The following ZNF606 variants were observed in gnomAD, a reference collection of about 807,000 sequenced individuals.
ZNF606 encodes zinc finger protein 328.
A neutral mutation model predicts 74.9 loss-of-function variants in ZNF606; 37 were observed. That is an observed-to-expected ratio of 0.49 (90% confidence interval 0.38 to 0.65). The LOEUF (loss-of-function observed/expected upper bound fraction) is 0.65. Ranked by LOEUF, ZNF606 falls within the 30% of genes least tolerant of loss-of-function variation. The probability of loss-of-function intolerance (pLI) is 0.00; values close to 1 mark genes in which losing one functional copy is unlikely to be tolerated. For synonymous variants in ZNF606, 328 were observed against 312.4 expected (o/e 1.05, Z -0.53); for missense variants, 852 against 952.9 (o/e 0.89, Z 1.39).
chr19:57,991,953 C>A (rs1459797515), intron 4 of ZNF606, among the ~76,000 whole-genome samples: 2 of 152,070 alleles, frequency 1.3e-5, no homozygotes, highest in Non-Finnish European at 2.9e-5. Flanking sequence ...TCCTAACCTC[C>A]CTGGGGTGGC....
chr19:57,990,842 T>C (rs1168948795), intron 4 of ZNF606, among the ~76,000 whole-genome samples: 1 of 152,096 alleles, frequency 6.6e-6, no homozygotes, highest in Non-Finnish European at 1.5e-5. Flanking sequence ...AAGAACTGCT[T>C]CTGCTCCAAT....
chr19:57,983,650 G>C (rs1281642616), intron 6 of ZNF606, among the ~76,000 whole-genome samples: 1 of 152,092 alleles, frequency 6.6e-6, no homozygotes, highest in Admixed American at 6.6e-5. Context: ...TGCTAAGTGG[G>C]TGGGAGATCA....
upstream of ZNF606, chr19:58,002,960 C>T (rs1167342054): frequency 1.1e-5 from 5 of 455,874 alleles, no homozygotes; most frequent in African/African-American, 2.0e-5. Context: ...CTGGCACCTG[C>T]GTCGAAGCCG....
Position 57,978,981 on chromosome 19 carries a change from G to A in ZNF606, c.1699C>T (p.Pro567Ser). Reference protein sequence around the residue: ...KHERTHSGAKPYKCTECGKSF... With the variant: ...KHERTHSGAKSYKCTECGKSF... Reference sequence around the variant, plus strand: ...TTTCCACATTCAGTACATTTATATGGTTTTGCTCCAGAATGAGTTCTTTCA... The same window carrying A: ...TTTCCACATTCAGTACATTTATATGATTTTGCTCCAGAATGAGTTCTTTCA... The change falls in exon 7 of 7, where the codon CCA (proline) becomes TCA (serine). Residue 567 changes from proline (P) to serine (S), a missense_variant. Pro to Ser is a moderately conservative substitution (Grantham distance 74). Coordinates refer to ENST00000551380, the MANE Select transcript of ZNF606 (RefSeq NM_001348022.3). This position sits in a 1 kb window ranked among gnomAD's most constrained non-coding sequence, Gnocchi z 4.4. The A allele has an allele frequency of 6.2e-7, 1 of 1,614,114 alleles. No individual in the cohort carries two copies. The highest frequency in any genetic ancestry group is 2.2e-5 in the East Asian group (1 of 44,878).
At chr19:57,989,004 T>C (rs2073209951) in intron 4 of ZNF606, among the ~76,000 whole-genome samples, 1 of 152,196 alleles carries the variant, frequency 6.6e-6, no homozygotes, top group South Asian at 2.1e-4. Flanking sequence ...ACACTGGCTA[T>C]GTCCCCCACC....
At chr19:57,989,075 C>T (rs2073211202) in intron 4 of ZNF606, among the ~76,000 whole-genome samples, 1 of 152,186 alleles carries the variant, frequency 6.6e-6, no homozygotes, top group Non-Finnish European at 1.5e-5. Context: ...AGTGCAGCAA[C>T]AGGCTATGAG....
intron 4 of ZNF606, among the ~76,000 whole-genome samples, chr19:57,996,743 A>T (rs2073347129): frequency 6.6e-6 from 1 of 152,112 alleles, no homozygotes; most frequent in African/African-American, 2.4e-5. Context: ...TACAGGGAGG[A>T]GCAAACCCTT....
At position 57,978,648 on chromosome 19, in the gene ZNF606, T is replaced by C; in HGVS notation, c.2032A>G (p.Lys678Glu). The C allele has an allele frequency of 6.2e-7, 1 of 1,614,078 alleles. No homozygotes were observed. The highest frequency in any genetic ancestry group is 8.5e-7 in the Non-Finnish European group (1 of 1,180,044). The change falls in exon 7 of 7, where the codon AAA (lysine) becomes GAA (glutamate). Residue 678 changes from lysine to glutamate, a missense_variant. By Grantham distance (56) the Lys-to-Glu change is moderately conservative (BLOSUM62 1). This residue lies in a region of ZNF606 where 243 missense variants were observed against 359.2 expected (regional missense o/e 0.68). Coordinates refer to ENST00000551380, the MANE Select transcript of ZNF606 (RefSeq NM_001348022.3). This position sits in a 1 kb window ranked among gnomAD's most constrained non-coding sequence, Gnocchi z 4.4. ...TCACACTGATTACATTTATAGGGTT[T>C]CTCACCAGTGTGAATTCTCCGATGA... is the stretch of plus-strand genomic sequence containing the variant. The part of the protein sequence containing the change: ...VAHRRIHTGE[K>E]PYKCNQCERS...
intron 4 of ZNF606, among the ~76,000 whole-genome samples, chr19:57,994,907 G>A (rs1428972159): frequency 1.3e-5 from 2 of 152,074 alleles, no homozygotes; most frequent in Non-Finnish European, 2.9e-5. Flanking sequence ...TACCTAGCCG[G>A]GCATGGTGGC....
chr19:57,991,577 C>T (rs530666258), intron 4 of ZNF606, among the ~76,000 whole-genome samples: 1 of 152,070 alleles, frequency 6.6e-6, no homozygotes, highest in South Asian at 2.1e-4. Context: ...GTCAGGAGTT[C>T]GATACCAGCC....
intron 4 of ZNF606, 105 bp from the exon 5 acceptor site, chr19:57,988,826 G>A: frequency 6.4e-7 from 1 of 1,550,642 alleles, no homozygotes; most frequent in Non-Finnish European, 8.8e-7. Flanking sequence ...AGGATGTAGA[G>A]AAACTCTCCT....
In ZNF606 at chr19:57,979,989, C is replaced by A. The variant is rs759281994; in HGVS notation, c.691G>T (p.Val231Phe). The A allele has an allele frequency of 6.2e-7, 1 of 1,613,784 alleles. No individual in the cohort carries two copies. The highest frequency in any genetic ancestry group is 8.5e-7 in the Non-Finnish European group (1 of 1,180,038). The change falls in exon 7 of 7, where the codon GTT becomes TTT. Residue 231 changes from valine (V) to phenylalanine (F), a missense_variant. By Grantham distance (50) the Val-to-Phe change is conservative. Around this residue, in one of 3 missense-constraint regions of ZNF606, gnomAD observed 545 missense variants for 542.5 expected, o/e 1.00. Coordinates refer to ENST00000551380, the MANE Select transcript of ZNF606 (RefSeq NM_001348022.3). Reference sequence around the variant, plus strand: ...TTATAGAAATGTTCTATCTGAGAAACTCTCTGAGATGGAACAAAGTTTAAG... The same window carrying A: ...TTATAGAAATGTTCTATCTGAGAAAATCTCTGAGATGGAACAAAGTTTAAG... ...QNLNFVPSQR[V>F]SQIEHFYKPD...
Position 57,988,678 on chromosome 19 carries a change from T to G in ZNF606, c.221A>C (p.Glu74Ala). 1 of 1,614,060 alleles carries G rather than the reference T, an allele frequency of 6.2e-7. No homozygotes were observed. Among genetic ancestry groups the G allele is most frequent in the Admixed American group, 1.7e-5 (1 of 60,000 alleles). The change falls in exon 5 of 7, where the codon GAA becomes GCA. Residue 74 changes from glutamate to alanine, a missense_variant. By Grantham distance (107) the Glu-to-Ala change is moderately radical. Transcript: ENST00000551380. ...AACAAGGTCCAGCTGCCCCCACTCT[T>G]CTTGGGTGAAGTCCACGGCCACGTC... Reference protein sequence around the residue: ...FKDVAVDFTQEEWGQLDLVQR... With the variant: ...FKDVAVDFTQAEWGQLDLVQR...
At position 57,980,085 on chromosome 19, in the gene ZNF606, A is replaced by G. The variant is rs748158774; in HGVS notation, c.595T>C (p.Phe199Leu). The change falls in exon 7 of 7, where the codon TTC (phenylalanine) becomes CTC (leucine). Residue 199 changes from phenylalanine (F) to leucine (L), a missense_variant. This residue lies in a region of ZNF606 where 545 missense variants were observed against 542.5 expected (regional missense o/e 1.00). Transcript: ENST00000551380. The stretch of plus-strand genomic sequence containing the variant: ...TGGGATAGTACTTGCTTTTGCATGA[A>G]GACCATCTGCCTCATAGCTGTACTC... Reference protein sequence around the residue: ...NQSTAMRQMVFMQKQVLSQRS... With the variant: ...NQSTAMRQMVLMQKQVLSQRS... 7 of 1,613,922 alleles carry G rather than the reference A, an allele frequency of 4.3e-6. No individual in the cohort carries two copies. Among genetic ancestry groups the G allele is most frequent in the Middle Eastern group, 1.6e-4 (1 of 6,062 alleles).
Position 58,002,514 on chromosome 19 carries a change from C to A in ZNF606, c.-170G>T, listed in dbSNP as rs1213606068. The A allele has an allele frequency of 4.6e-6, 2 of 437,380 alleles. No homozygotes were observed. Among genetic ancestry groups the A allele is most frequent in the South Asian group, 3.2e-5 (2 of 62,028 alleles). The allele number at this position is 437,380 out of a possible 1,614,324, so 27.1% of individuals were successfully genotyped here. On this transcript the variant is annotated 5_prime_UTR_variant, in exon 1 of 7. Transcript: ENST00000551380. ...CGGCCCAGGAGTGCGCTTGGGAGCT[C>A]CCGGCGCGGCCTCGGGGACAAAGGC...
chr19:57,990,591 A>G (rs1013293754), intron 4 of ZNF606, among the ~76,000 whole-genome samples: 1 of 149,822 alleles, frequency 6.7e-6, no homozygotes, highest in Non-Finnish European at 1.5e-5. Flanking sequence ...CTCAACAGAC[A>G]CGTGTGCAGT....
chr19:57,983,592 G>A (rs1396572073), intron 6 of ZNF606, among the ~76,000 whole-genome samples: 1 of 149,278 alleles, frequency 6.7e-6, no homozygotes. Context: ...AAAAAAAAAA[G>A]AAAAGAAAAA....
rs373176619 is a variant in ZNF606, at chr19:58,002,709, T to G, written c.-365A>C. 129 of 451,972 alleles carry G rather than the reference T, an allele frequency of 2.9e-4. No homozygotes were observed. The East Asian group carries it at 4.1e-3, about 14-fold the overall frequency. 28.0% of individuals were successfully genotyped at this position (451,972 alleles called of 1,614,324 possible). ...GCAGGACCCACCCTGACGCCGCCTC[T>G]CCCAGCCGGCTCTCCTGACCCCCCA... is the stretch of plus-strand genomic sequence containing the variant. On this transcript the variant is annotated 5_prime_UTR_variant, in exon 1 of 7. Coordinates refer to ENST00000551380, the MANE Select transcript of ZNF606 (RefSeq NM_001348022.3).
At chr19:57,989,502 C>A (rs1485819346) in intron 4 of ZNF606, among the ~76,000 whole-genome samples, 2 of 151,854 alleles carry the variant, frequency 1.3e-5, no homozygotes, top group African/African-American at 4.8e-5. Context: ...GCTGGAATGT[C>A]ATGGTGTGAT....
Sources: gnomAD v4.1 joint callset for allele counts (sites outside exome capture counted in the v4.1 genomes callset) on GRCh38, gnomAD v4.1.1 for gene constraint, gnomAD v4.1.1 regional missense constraint, Gnocchi (gnomAD v3.1) non-coding constraint, MANE v1.5 for transcripts, NCBI Gene and HGNC (gene_info 2026-07-23, HGNC 2026-07-21) for gene names.